The following CCDC180 variants were observed in gnomAD, a reference collection of about 807,000 sequenced individuals.
CCDC180 encodes the protein coiled-coil domain containing 180.
In CCDC180, 154 loss-of-function variants were observed where a neutral mutation model predicts 209.2. That is an observed-to-expected ratio of 0.74 (90% CI 0.65 to 0.84). The LOEUF is 0.84. Ranked by LOEUF, CCDC180 falls within the 40% of genes least tolerant of loss-of-function variation. The pLI, the probability that CCDC180 is intolerant of heterozygous loss-of-function variation, is 0.00. For missense variants in CCDC180, 1,874 were observed against 1,997.3 expected, an observed-to-expected ratio of 0.94 and a Z score of 1.18; for synonymous variants, 778 against 749.1, an observed-to-expected ratio of 1.04 and a Z score of -0.63.
chr9:97,319,539 T>A (rs1445082049), intron 10 of CCDC180, among the ~76,000 whole-genome samples: 5 of 152,210 alleles, frequency 3.3e-5, no homozygotes, highest in African/African-American at 9.6e-5. Context: ...TATGCCCATA[T>A]GTATTCAAAG....
intron 11 of CCDC180, 138 bp from the exon 12 acceptor site, chr9:97,322,694 CT>C: frequency 1.4e-6 from 1 of 701,970 alleles, no homozygotes; most frequent in East Asian, 2.7e-5. Flanking sequence ...ACCCCAGCCC[CT>C]GATCTCAATC....
At position 97,309,448 on chromosome 9, in the gene CCDC180, A is replaced by C; in HGVS notation, c.104A>C (p.Lys35Thr). 1 of 1,602,482 alleles carries C rather than the reference A, an allele frequency of 6.2e-7. No homozygotes were observed. The highest frequency in any genetic ancestry group is 8.5e-7 in the Non-Finnish European group (1 of 1,174,850). ...GTCCACTCCCTGGCGGCCACCAGGA[A>C]GCGGGCTGCAGAGCGTTCTGTGACC... The part of the protein sequence containing the change: ...QLVHSLAATR[K>T]RAAERSVTLK... The change falls in exon 3 of 37, where the codon AAG becomes ACG. Residue 35 changes from lysine to threonine, a missense_variant. By Grantham distance (78) the Lys-to-Thr change is moderately conservative. Coordinates refer to ENST00000529487, the MANE Select transcript of CCDC180 (RefSeq NM_020893.6).
At chr9:97,328,595 C>G (rs1436594703) in intron 16 of CCDC180, among the ~76,000 whole-genome samples, 2 of 152,162 alleles carry the variant, frequency 1.3e-5, no homozygotes, top group Non-Finnish European at 2.9e-5. Flanking sequence ...AGACTCATCC[C>G]TCTTCTGGCA....
At chr9:97,360,146 G>T (rs1826709208) in intron 26 of CCDC180, 45 bp downstream of exon 26, 1 of 1,601,994 alleles carries the variant, frequency 6.2e-7, no homozygotes, top group South Asian at 1.1e-5. Context: ...GTGAGCTGTT[G>T]TCTGGGCTCC....
At chr9:97,333,949 T>A (rs1267993890) in intron 18 of CCDC180, among the ~76,000 whole-genome samples, 1 of 152,020 alleles carries the variant, frequency 6.6e-6, no homozygotes, top group African/African-American at 2.4e-5. Context: ...GCCTCCCAAG[T>A]AGCTGGAACT....
At chr9:97,307,338 G>T (rs955678881), upstream of CCDC180, 2 of 474,858 alleles carry the variant, frequency 4.2e-6, no homozygotes, top group Admixed American at 4.7e-5. Context: ...TCCAGCTGCA[G>T]TTGTCGCTGG....
intron 2 of CCDC180, 41 bp downstream of exon 2, chr9:97,308,173 C>G (rs376255321): frequency 1.3e-6 from 2 of 1,504,664 alleles, no homozygotes; most frequent in African/African-American, 1.4e-5. Context: ...CATCCCCCTT[C>G]CCTTGCTTTC....
Position 97,330,704 on chromosome 9 carries a change from G to A in CCDC180, c.2211G>A (p.Lys737=). Residue 737 remains lysine, a synonymous_variant, in exon 18 of 37, where the codon AAG becomes AAA. Transcript: ENST00000529487. ...DEKEEEEEEE[K]LEEEKEEKEA... is the part of the protein sequence containing the mutation. ...AGGAGGAAGAGGAGGAGGAGGAGAA[G>A]CTGGAGGAAGAGAAGGAGGAGAAGG... is the stretch of plus-strand genomic sequence containing the variant. The A allele has an allele frequency of 1.2e-6, 2 of 1,608,662 alleles. No homozygotes were observed. Among genetic ancestry groups the A allele is most frequent in the South Asian group, 1.1e-5 (1 of 90,998 alleles).
At chr9:97,313,131 G>T (rs1195583386) in intron 4 of CCDC180, 105 bp from the exon 5 acceptor site, 2 of 722,152 alleles carry the variant, frequency 2.8e-6, no homozygotes, top group East Asian at 5.4e-5. Context: ...TGGCTCTGGG[G>T]TCTACCTTCT....
intron 36 of CCDC180, chr9:97,376,135 G>A (rs1169066446): frequency 6.4e-6 from 1 of 156,858 alleles, no homozygotes; most frequent in Non-Finnish European, 1.4e-5. Flanking sequence ...GGCAGAGCCA[G>A]GATTTGATCC....
rs767399271 is a variant in CCDC180, at chr9:97,325,062, C to T, written c.1415C>T (p.Ser472Leu). The T allele has an allele frequency of 1.1e-5, 17 of 1,613,906 alleles. No individual in the cohort carries two copies. The highest frequency in any genetic ancestry group is 2.7e-5 in the African/African-American group (2 of 74,916). The stretch of plus-strand genomic sequence containing the variant: ...GCAGATCAGACAGAGTGGCAGAGTT[C>T]ACACCTCTTCAAGTATTTCCAGGAG... ...TLADQTEWQS[S>L]HLFKYFQEVV... The change falls in exon 14 of 37, where the codon TCA (serine) becomes TTA (leucine). Residue 472 changes from serine (S) to leucine (L), a missense_variant. Coordinates refer to ENST00000529487, the MANE Select transcript of CCDC180 (RefSeq NM_020893.6).
In CCDC180 at chr9:97,360,709, C is replaced by T. The variant is rs1826726203; in HGVS notation, c.3483+608C>T. Reference sequence around the variant, plus strand: ...TCCCCACCAAGCCTCCTCTCACCTCCTGGTCTGGGTCGGGGTCTCCCGGCC... The same window carrying T: ...TCCCCACCAAGCCTCCTCTCACCTCTTGGTCTGGGTCGGGGTCTCCCGGCC... On this transcript the variant is annotated intron_variant, in intron 26 of 36. Coordinates refer to ENST00000529487, the MANE Select transcript of CCDC180 (RefSeq NM_020893.6). Among the ~76,000 whole-genome samples, 6 of 152,188 alleles carry T rather than the reference C, an allele frequency of 3.9e-5. No individual in the cohort carries two copies. The South Asian group carries it at 1.2e-3, about 31-fold the overall frequency.
At chr9:97,326,762 C>T (rs1833548420) in intron 15 of CCDC180, 93 bp downstream of exon 15, 1 of 764,886 alleles carries the variant, frequency 1.3e-6, no homozygotes, top group Non-Finnish European at 2.3e-6. Flanking sequence ...AGGAGCCTGC[C>T]AGCTTAAGAT....
intron 27 of CCDC180, 42 bp downstream of exon 27, chr9:97,361,940 C>T: frequency 6.3e-7 from 1 of 1,598,594 alleles, no homozygotes; most frequent in East Asian, 2.2e-5. Context: ...GCCACCCCTG[C>T]CCCTGGCCCT....
chr9:97,319,539 T>C (rs1445082049), intron 10 of CCDC180, among the ~76,000 whole-genome samples: 1 of 152,210 alleles, frequency 6.6e-6, no homozygotes, highest in Admixed American at 6.5e-5. Flanking sequence ...TATGCCCATA[T>C]GTATTCAAAG....
At chr9:97,320,311 G>T in intron 11 of CCDC180, 106 bp downstream of exon 11, 1 of 1,058,010 alleles carries the variant, frequency 9.5e-7, no homozygotes, top group Non-Finnish European at 1.5e-6. Context: ...TGGGGAGGAG[G>T]GATGGGGGTG....
intron 9 of CCDC180, 28 bp downstream of exon 9, chr9:97,317,256 C>T (rs757249838): frequency 6.6e-7 from 1 of 1,508,844 alleles, no homozygotes. Flanking sequence ...AGCTCCTTCT[C>T]CAGCCCACCA....
intron 4 of CCDC180, 122 bp downstream of exon 4, chr9:97,312,323 G>C (rs901428579): frequency 1.3e-6 from 1 of 754,924 alleles, no homozygotes; most frequent in Non-Finnish European, 2.2e-6. Flanking sequence ...TGTGTTCCTC[G>C]GCTCAGCCAC....
intron 8 of CCDC180, among the ~76,000 whole-genome samples, 167 bp from the exon 9 acceptor site, chr9:97,316,898 G>A (rs761000029): frequency 6.6e-6 from 1 of 151,998 alleles, no homozygotes; most frequent in Non-Finnish European, 1.5e-5. Flanking sequence ...AAGCTTCATC[G>A]AGTGCCCACT....
Sources: allele counts gnomAD v4.1 joint callset (sites outside exome capture counted in the v4.1 genomes callset), GRCh38; gene constraint gnomAD v4.1.1; transcripts MANE v1.5; gene names NCBI Gene and HGNC (gene_info 2026-07-23, HGNC 2026-07-21).